SYNDIG1: variants seen among roughly 807,000 people sequenced by gnomAD.
The protein encoded by SYNDIG1 is synapse differentiation-inducing gene protein 1.
A neutral mutation model predicts 19.4 loss-of-function variants in SYNDIG1; 9 were observed. That is an observed-to-expected ratio of 0.46 (90% CI 0.28 to 0.81). SYNDIG1 has a LOEUF of 0.81. SYNDIG1 is among the 30% of genes least tolerant of loss of function. The pLI is 0.12. For missense variants in SYNDIG1, 311 were observed against 343.3 expected, an observed-to-expected ratio of 0.91 and a Z score of 0.74; for synonymous variants, 141 against 145.9, an observed-to-expected ratio of 0.97 and a Z score of 0.24.
intron 1 of SYNDIG1, among the ~76,000 whole-genome samples, chr20:24,470,572 AC>A (rs2055403888): frequency 6.6e-6 from 1 of 151,942 alleles, no homozygotes; most frequent in African/African-American, 2.4e-5. Context: ...CTTCATGTGC[AC>A]TCTCTGGGCA....
chr20:24,643,649 T>C (rs1254677057), intron 3 of SYNDIG1, among the ~76,000 whole-genome samples: 1 of 152,248 alleles, frequency 6.6e-6, no homozygotes, highest in Non-Finnish European at 1.5e-5. Context: ...GATTAATCCA[T>C]CATAATCTGC....
At chr20:24,527,593 T>C (rs2057154651) in intron 1 of SYNDIG1, among the ~76,000 whole-genome samples, 1 of 152,052 alleles carries the variant, frequency 6.6e-6, no homozygotes, top group Non-Finnish European at 1.5e-5. Context: ...CAGTCTTTTG[T>C]GCATGATGAT....
At chr20:24,649,429 T>C (rs1381888625) in intron 3 of SYNDIG1, among the ~76,000 whole-genome samples, 2 of 152,202 alleles carry the variant, frequency 1.3e-5, no homozygotes, top group African/African-American at 2.4e-5. Context: ...GAGTGCTGGA[T>C]CCATTTATAG....
intron 3 of SYNDIG1, among the ~76,000 whole-genome samples, chr20:24,619,056 A>G (rs984733563): frequency 6.6e-6 from 1 of 152,196 alleles, no homozygotes; most frequent in African/African-American, 2.4e-5. Context: ...TCTCTTTTGC[A>G]GGGCAGGAGT....
At chr20:24,589,783 A>G (rs1298539918) in intron 3 of SYNDIG1, among the ~76,000 whole-genome samples, 2 of 152,270 alleles carry the variant, frequency 1.3e-5, no homozygotes, top group African/African-American at 2.4e-5. Flanking sequence ...GAAGCAGATT[A>G]TGAATTTTAT....
At chr20:24,610,135 T>C (rs2058823700) in intron 3 of SYNDIG1, among the ~76,000 whole-genome samples, 1 of 152,182 alleles carries the variant, frequency 6.6e-6, no homozygotes, top group African/African-American at 2.4e-5. Context: ...GGTGAAAACA[T>C]GGAAATTGCA....
At chr20:24,598,458 C>A (rs1568673272) in intron 3 of SYNDIG1, among the ~76,000 whole-genome samples, 1 of 152,192 alleles carries the variant, frequency 6.6e-6, no homozygotes, top group Non-Finnish European at 1.5e-5. Flanking sequence ...TCAAGAGAAT[C>A]CTGAAATAGG....
chr20:24,628,242 G>A (rs1340547975), intron 3 of SYNDIG1, among the ~76,000 whole-genome samples: 1 of 152,210 alleles, frequency 6.6e-6, no homozygotes, highest in East Asian at 1.9e-4. Context: ...GCCAGAGCCT[G>A]CGTGCCGTTA....
At position 24,564,688 on chromosome 20, in the gene SYNDIG1, C is replaced by T. The variant is rs530676306; in HGVS notation, c.481-20168C>T. On this transcript the variant is annotated intron_variant, in intron 2 of 3. Coordinates refer to ENST00000376862, the MANE Select transcript of SYNDIG1 (RefSeq NM_024893.3). Reference sequence around the variant, plus strand: ...TAATGGACTTGGTACAAATGGTACACGTGGCTGGCACTCTGATTCATCTGG... The same window carrying T: ...TAATGGACTTGGTACAAATGGTACATGTGGCTGGCACTCTGATTCATCTGG... Among the ~76,000 whole-genome samples, 13 of 152,260 alleles carry T rather than the reference C, an allele frequency of 8.5e-5. No homozygotes were observed. The East Asian group carries it at 1.9e-3, about 23-fold the overall frequency.
chr20:24,578,441 CAA>C (rs11087470), intron 2 of SYNDIG1, among the ~76,000 whole-genome samples: 225 of 118,264 alleles, frequency 1.9e-3, no homozygotes, highest in African/African-American at 3.7e-3. Context: ...GACTCTGTAT[CAA>C]AAAAAAAAAA....
At chr20:24,661,789 C>A (rs1266749405) in intron 3 of SYNDIG1, among the ~76,000 whole-genome samples, 2 of 152,220 alleles carry the variant, frequency 1.3e-5, no homozygotes, top group Middle Eastern at 3.4e-3. Context: ...CCAGGAGCGT[C>A]AGAAGGAAGC....
chr20:24,662,434 TGG>T, intron 3 of SYNDIG1, among the ~76,000 whole-genome samples: 2 of 152,148 alleles, frequency 1.3e-5, no homozygotes, highest in Non-Finnish European at 2.9e-5. Context: ...GCTCAGTGCC[TGG>T]TGGGTTTCAG....
rs574342239 is a variant in SYNDIG1, at chr20:24,543,028, G to C, written c.-70G>C. On this transcript the variant is annotated 5_prime_UTR_variant, in exon 2 of 4. Transcript: ENST00000376862. ...GTTTTCTCCTCCTCCAGGAGAAATG[G>C]CTTCCCTGAGGCAAGTGTAACCTAC... 5.8e-6 allele frequency: 9 copies of C among 1,553,436 alleles called. No homozygotes were observed. The highest frequency in any genetic ancestry group is 7.8e-6 in the Non-Finnish European group (9 of 1,148,322).
intron 1 of SYNDIG1, among the ~76,000 whole-genome samples, chr20:24,489,878 C>A (rs929069923): frequency 6.6e-6 from 1 of 152,212 alleles, no homozygotes; most frequent in Non-Finnish European, 1.5e-5. Flanking sequence ...GTTAAGAAGC[C>A]CTGTGGGCTG....
At chr20:24,610,342 A>G (rs2058826306) in intron 3 of SYNDIG1, among the ~76,000 whole-genome samples, 1 of 152,174 alleles carries the variant, frequency 6.6e-6, no homozygotes, top group South Asian at 2.1e-4. Flanking sequence ...ACCAAAAGGG[A>G]TATTGTAAGT....
intron 1 of SYNDIG1, among the ~76,000 whole-genome samples, chr20:24,517,808 TA>T (rs2056918815): frequency 6.8e-6 from 1 of 146,672 alleles, no homozygotes; most frequent in African/African-American, 2.5e-5. Context: ...ATATTTTTTA[TA>T]TATATATATA....
intron 2 of SYNDIG1, among the ~76,000 whole-genome samples, chr20:24,545,049 G>GC (rs1478612229): frequency 6.6e-6 from 1 of 152,164 alleles, no homozygotes; most frequent in Non-Finnish European, 1.5e-5. Context: ...TGATAGAAAG[G>GC]CCGGAGAAAT....
chr20:24,559,123 G>GTATATA (rs373041422), intron 2 of SYNDIG1, among the ~76,000 whole-genome samples: 16 of 151,004 alleles, frequency 1.1e-4, no homozygotes, highest in Non-Finnish European at 2.1e-4. Context: ...TAAAAATGTG[G>GTATATA]TATATATATA....
chr20:24,500,534 T>TTCTTTC (rs1568588128), intron 1 of SYNDIG1, among the ~76,000 whole-genome samples: 1 of 142,642 alleles, frequency 7.0e-6, no homozygotes, highest in African/African-American at 2.8e-5. Context: ...TTCTTTCTTC[T>TTCTTTC]TTCTTTCTTT....
Sources: allele counts gnomAD v4.1 joint callset (sites outside exome capture counted in the v4.1 genomes callset), GRCh38; gene constraint gnomAD v4.1.1; transcripts MANE v1.5; gene names NCBI Gene and HGNC (gene_info 2026-07-23, HGNC 2026-07-21).